ALKBH2: variants seen among roughly 807,000 people sequenced by gnomAD.
ALKBH2 encodes alkB homolog 2, alpha-ketoglutarate dependent dioxygenase.
Under a neutral mutation model 19.7 loss-of-function variants are expected in ALKBH2, and 19 were observed. The observed-to-expected ratio is 0.97, with a 90% CI of 0.67 to 1.42. The LOEUF is 1.42. Among genes scored for constraint, ALKBH2 ranks in the 40% most tolerant of loss-of-function variants. ALKBH2 has a pLI of 0.00. For missense variants in ALKBH2, 310 were observed against 328.5 expected (o/e 0.94, Z 0.43); for synonymous variants, 135 against 131.2 (o/e 1.03, Z -0.20).
At chr12:109,090,267 C>G in intron 2 of ALKBH2, 60 bp from the exon 3 acceptor site, 5 of 1,425,408 alleles carry the variant, frequency 3.5e-6, no homozygotes, top group Non-Finnish European at 4.9e-6. Context: ...AATCCAGATG[C>G]CCCCCCCAAC....
chr12:109,092,473 GCACACA>G (rs61358885), intron 2 of ALKBH2, 28 bp downstream of exon 2: 13 of 1,363,296 alleles, frequency 9.5e-6, no homozygotes, highest in African/African-American at 8.7e-5. Flanking sequence ...AGCCCTCAAT[GCACACA>G]CACACACACA....
rs758522884 is a variant in ALKBH2 at position 109,088,264 on chromosome 12, T to G, written c.728A>C (p.Lys243Thr). 1 of 1,613,750 alleles carries G rather than the reference T, an allele frequency of 6.2e-7. No individual in the cohort carries two copies. Residue 243 changes from lysine to threonine, a missense_variant, in exon 4 of 4, where the codon AAG (lysine) becomes ACG (threonine). Lys to Thr is a moderately conservative substitution (Grantham distance 78, BLOSUM62 -1). Transcript: ENST00000429722. The surrounding 1 kb of genome is among the most constrained non-coding windows in gnomAD (Gnocchi z 4.2). ...HWYHSLPVRK[K>T]VLAPRVNLTF... Reference sequence around the variant, plus strand: ...CAGATTCACCCGTGGAGCCAGAACCTTCTTTCTCACGGGAAGACTGTGGTA... The same window carrying G: ...CAGATTCACCCGTGGAGCCAGAACCGTCTTTCTCACGGGAAGACTGTGGTA...
At chr12:109,090,250 A>C (rs2135863408) in intron 2 of ALKBH2, 43 bp from the exon 3 acceptor site, 1 of 1,583,226 alleles carries the variant, frequency 6.3e-7, no homozygotes, top group African/African-American at 1.4e-5. Context: ...CCTGACCCCC[A>C]TCTAGAAATC....
intron 3 of ALKBH2, among the ~76,000 whole-genome samples, chr12:109,089,076 C>T (rs1033364961): frequency 1.1e-4 from 17 of 152,158 alleles, no homozygotes; most frequent in Non-Finnish European, 1.9e-4. Context: ...TTCCCCTGGC[C>T]AGTCTATGTA....
At chr12:109,091,720 G>C (rs1246898446) in intron 2 of ALKBH2, among the ~76,000 whole-genome samples, 1 of 152,018 alleles carries the variant, frequency 6.6e-6, no homozygotes, top group Non-Finnish European at 1.5e-5. Flanking sequence ...TGTTGTTGTT[G>C]TTGTATTTTA....
intron 2 of ALKBH2, among the ~76,000 whole-genome samples, chr12:109,091,193 T>G (rs190669568): frequency 2.0e-5 from 3 of 152,194 alleles, no homozygotes; most frequent in Admixed American, 2.0e-4. Flanking sequence ...GGAGTTCAAT[T>G]AACAGCCTGG....
chr12:109,089,916 G>T, intron 3 of ALKBH2, 93 bp downstream of exon 3: 2 of 1,380,732 alleles, frequency 1.4e-6, no homozygotes, highest in Non-Finnish European at 2.0e-6. Context: ...GAAATGATTT[G>T]TACCAATGAA....
intron 1 of ALKBH2, 57 bp from the exon 2 acceptor site, chr12:109,092,994 C>G: frequency 7.7e-7 from 1 of 1,301,448 alleles, no homozygotes; most frequent in South Asian, 1.9e-5. Context: ...CAATCTGATC[C>G]AGGGTCTCCC....
rs897603173 is a variant in ALKBH2 at position 109,093,382 on chromosome 12, G to C, written c.-287C>G. On this transcript the variant is annotated 5_prime_UTR_variant, in exon 1 of 4. Transcript: ENST00000429722. The stretch of plus-strand genomic sequence containing the variant: ...TCTGATATCACTGCAACACGTCCGT[G>C]GGGTGGGGGTGGCAAGAGTGCTCTA... 6.6e-6 allele frequency: 1 copy of C among 152,414 alleles called. No homozygotes were observed. The highest frequency in any genetic ancestry group is 2.4e-5 in the African/African-American group (1 of 41,446). 9.4% of individuals were successfully genotyped at this position (152,414 alleles called of 1,614,324 possible).
intron 2 of ALKBH2, among the ~76,000 whole-genome samples, chr12:109,090,657 T>C (rs1318401018): frequency 1.3e-5 from 2 of 152,204 alleles, no homozygotes; most frequent in African/African-American, 4.8e-5. Context: ...TGCCTCAGCC[T>C]CCTGAGTAGC....
At chr12:109,089,066 T>C (rs1250975643) in intron 3 of ALKBH2, among the ~76,000 whole-genome samples, 1 of 152,130 alleles carries the variant, frequency 6.6e-6, no homozygotes, top group Non-Finnish European at 1.5e-5. Flanking sequence ...CTTACTGTAG[T>C]TCCCCTGGCC....
rs546964548 is a variant in ALKBH2 at position 109,090,273 on chromosome 12, C to G, written c.281-66G>C. 670 of 1,440,142 alleles carry G rather than the reference C, an allele frequency of 4.7e-4. 3 individuals are homozygous for G. The South Asian group carries it at 5.4e-3, about 12-fold the overall frequency. The allele number at this position is 1,440,142 out of a possible 1,614,324, so 89.2% of individuals were successfully genotyped here. A position where few individuals can be genotyped will look rare whatever the true frequency, so the allele number is the denominator to read the frequency against. On this transcript the variant is annotated intron_variant, in intron 2 of 3. Coordinates refer to ENST00000429722, the MANE Select transcript of ALKBH2 (RefSeq NM_001145374.2). ...CCATCTAGAAATCCAGATGCCCCCC[C>G]CAACCCGCACTGCCATCACCAGAAA...
chr12:109,090,181 C>G lies in ALKBH2; in HGVS notation c.307G>C (p.Gly103Arg), dbSNP rs750748555. Residue 103 changes from glycine (G) to arginine (R), a missense_variant, in exon 3 of 4, where the codon GGG becomes CGG. Transcript: ENST00000429722. The stretch of plus-strand genomic sequence containing the variant: ...TTCCTGGGCACACTGTGCCACTTCC[C>G]GAATACCTGGACTCTGGCCAGTGCT... The part of the protein sequence containing the change: ...TGALARVQVF[G>R]KWHSVPRKQA... 1 of 1,613,938 alleles carries G rather than the reference C, an allele frequency of 6.2e-7. No individual in the cohort carries two copies. Among genetic ancestry groups the G allele is most frequent in the Non-Finnish European group, 8.5e-7 (1 of 1,180,034 alleles).
chr12:109,090,070 G>T lies in ALKBH2; in HGVS notation c.418C>A (p.Arg140Ser). The T allele has an allele frequency of 5.0e-6, 8 of 1,614,180 alleles. No homozygotes were observed. Among genetic ancestry groups the T allele is most frequent in the Non-Finnish European group, 6.8e-6 (8 of 1,180,020 alleles). Residue 140 changes from arginine (R) to serine (S), a missense_variant, in exon 3 of 4, where the codon CGC becomes AGC. Transcript: ENST00000429722. ...SPKPWIPVLE[R>S]IRDHVSGVTG... ...ACCCCAGAGACGTGATCCCGGATGC[G>T]CTCTAGAACTGGGATCCAGGGCTTT...
intron 2 of ALKBH2, among the ~76,000 whole-genome samples, chr12:109,091,505 G>C (rs566871317): frequency 2.1e-4 from 32 of 152,256 alleles, no homozygotes; most frequent in African/African-American, 7.7e-4. Context: ...TTACAGGTGT[G>C]TACCACCGTG....
At position 109,092,932 on chromosome 12, in the gene ALKBH2, C is replaced by T; in HGVS notation, c.-146G>A. The T allele has an allele frequency of 6.9e-7, 1 of 1,453,928 alleles. No individual in the cohort carries two copies. Among genetic ancestry groups the T allele is most frequent in the Non-Finnish European group, 9.0e-7 (1 of 1,109,892 alleles). The allele number at this position is 1,453,928 out of a possible 1,614,324, so 90.1% of individuals were successfully genotyped here. On this transcript the variant is annotated 5_prime_UTR_variant, in exon 2 of 4. An upstream start codon of the reference 5' UTR is lost. Coordinates refer to ENST00000429722, the MANE Select transcript of ALKBH2 (RefSeq NM_001145374.2). ...ACATTTTCATTTTAAAGTTTAAAACCATGTCCTAGAAAGGAAACAGAAGAT... is the reference window on the plus strand; with the variant it reads ...ACATTTTCATTTTAAAGTTTAAAACTATGTCCTAGAAAGGAAACAGAAGAT...
Position 109,092,754 on chromosome 12 carries a change from C to T in ALKBH2, c.33G>A (p.Gly11=). Residue 11 remains glycine, a synonymous_variant, in exon 2 of 4, where the codon GGG becomes GGA. Transcript: ENST00000429722. MDRFLVKGAQ[G]GLLRKQEEQE... is the part of the protein sequence containing the mutation. ...GCTCCTCCTGCTTCCTCAAAAGGCCCCCTTGAGCCCCTTTCACCAGGAATC... is the reference window on the plus strand; with the variant it reads ...GCTCCTCCTGCTTCCTCAAAAGGCCTCCTTGAGCCCCTTTCACCAGGAATC... 1.9e-6 allele frequency: 3 copies of T among 1,613,796 alleles called. No individual in the cohort carries two copies. The highest frequency in any genetic ancestry group is 2.5e-6 in the Non-Finnish European group (3 of 1,179,826).
rs753421184 is a variant in ALKBH2 at position 109,088,881 on chromosome 12, ATTTCT to A, written c.480-374_480-370del. ...AGGTATGCACCACCCCACCTAGCTA[ATTTCT>A]TTTCTTTTGCAGAAACAGTTTCACC... On this transcript the variant is annotated intron_variant, in intron 3 of 3. Transcript: ENST00000429722. The surrounding 1 kb of genome is among the most constrained non-coding windows in gnomAD (Gnocchi z 4.2). Among the ~76,000 whole-genome samples, 3 of 152,032 alleles carry A rather than the reference ATTTCT, an allele frequency of 2.0e-5. No individual in the cohort carries two copies. Among genetic ancestry groups the A allele is most frequent in the Non-Finnish European group, 2.9e-5 (2 of 68,012 alleles).
rs1426249815 is a variant in ALKBH2, at chr12:109,088,435, G to C, written c.557C>G (p.Ser186Cys). The C allele has an allele frequency of 6.2e-7, 1 of 1,613,794 alleles. No homozygotes were observed. The highest frequency in any genetic ancestry group is 1.1e-5 in the South Asian group (1 of 91,068). ...RELAPGSPIA[S>C]VSFGACRDFV... ...GTCTCTGCAGGCACCGAAGGAGACA[G>C]AGGCAATGGGGCTCCCAGGGGCCAG... The change falls in exon 4 of 4, where the codon TCT becomes TGT. Residue 186 changes from serine to cysteine, a missense_variant. Coordinates refer to ENST00000429722, the MANE Select transcript of ALKBH2 (RefSeq NM_001145374.2). The surrounding 1 kb of genome is among the most constrained non-coding windows in gnomAD (Gnocchi z 4.2).
Sources: gnomAD v4.1 joint callset for allele counts (sites outside exome capture counted in the v4.1 genomes callset) on GRCh38, gnomAD v4.1.1 for gene constraint, Gnocchi (gnomAD v3.1) non-coding constraint, MANE v1.5 for transcripts, NCBI Gene and HGNC (gene_info 2026-07-23, HGNC 2026-07-21) for gene names.